Variants in B3GAT1 observed in about 807,000 individuals in gnomAD.
The protein encoded by B3GAT1 is beta-1,3-glucuronyltransferase 1.
A neutral mutation model predicts 28.4 loss-of-function variants in B3GAT1; 11 were observed. That is an observed-to-expected ratio of 0.39 (90% CI 0.24 to 0.64). The LOEUF is 0.64. B3GAT1 is among the 30% of genes least tolerant of loss of function. The probability of loss-of-function intolerance (pLI) is 0.50; values close to 1 mark genes in which losing one functional copy is unlikely to be tolerated. For missense variants in B3GAT1, 375 were observed against 491.0 expected (o/e 0.76, Z 2.23); for synonymous variants, 255 against 223.1 (o/e 1.14, Z -1.27).
At position 134,400,174 on chromosome 11, in the gene B3GAT1, C is replaced by T. The variant is rs549849527; in HGVS notation, c.-282+11633G>A. Among the ~76,000 whole-genome samples the T allele has an allele frequency of 1.4e-3, 214 of 152,254 alleles. 1 individual carries two copies. The Middle Eastern group carries it at 0.017, about 12-fold the overall frequency. ...GCCTTCCCTGGCCCTGCCCCTGCCC[C>T]GATCTGCTCACTCAAGGTGCACACA... On this transcript the variant is annotated intron_variant, in intron 1 of 5. Transcript: ENST00000312527.
chr11:134,398,180 T>C (rs968800405), intron 1 of B3GAT1, among the ~76,000 whole-genome samples: 3 of 152,204 alleles, frequency 2.0e-5, no homozygotes, highest in Non-Finnish European at 2.9e-5. Flanking sequence ...CGTGTGTGCA[T>C]GTGTGATCAT....
chr11:134,384,305 G>A, intron 2 of B3GAT1, 117 bp from the exon 3 acceptor site: 2 of 1,331,448 alleles, frequency 1.5e-6, no homozygotes, highest in Non-Finnish European at 2.0e-6. Flanking sequence ...TGCAGGGGCT[G>A]CTCAGACCCC....
Position 134,383,015 on chromosome 11 carries a change from G to T in B3GAT1, c.622-9C>A, listed in dbSNP as rs535028435. On this transcript the variant is annotated splice_polypyrimidine_tract_variant and intron_variant, in intron 3 of 5. Coordinates refer to ENST00000312527, the MANE Select transcript of B3GAT1 (RefSeq NM_054025.3). ...CTCCTGGTGCTGCGCATCTACAAGGGGGGGGTCCAGAGTCAGGGCGCCGGC... is the reference window on the plus strand; with the variant it reads ...CTCCTGGTGCTGCGCATCTACAAGGTGGGGGTCCAGAGTCAGGGCGCCGGC... 1.5e-4 allele frequency: 232 copies of T among 1,540,092 alleles called. No individual in the cohort carries two copies. The highest frequency in any genetic ancestry group is 7.9e-4 in the Middle Eastern group (4 of 5,066).
At chr11:134,410,413 T>C (rs535104127) in intron 1 of B3GAT1, among the ~76,000 whole-genome samples, 12 of 152,296 alleles carry the variant, frequency 7.9e-5, no homozygotes, top group African/African-American at 2.9e-4. Context: ...CCATTAACCT[T>C]AGCAAGTATT....
chr11:134,392,962 A>G (rs909176324), intron 1 of B3GAT1, among the ~76,000 whole-genome samples: 2 of 152,212 alleles, frequency 1.3e-5, no homozygotes, highest in African/African-American at 4.8e-5. Flanking sequence ...CAGGCAAAGC[A>G]CTGTGTTGGA....
At position 134,382,929 on chromosome 11, in the gene B3GAT1, G is replaced by A. The variant is rs762279455; in HGVS notation, c.699C>T (p.Asn233=). ...GGLRYEAPRV[N]GAGKVVGWKT... The stretch of plus-strand genomic sequence containing the variant: ...TCCAGCCGACCACCTTCCCTGCCCC[G>A]TTCACCCGTGGGGCCTCGTACCGCA... The change falls in exon 4 of 6, where the codon AAC becomes AAT. Residue 233 remains asparagine (N), a synonymous_variant. Coordinates refer to ENST00000312527, the MANE Select transcript of B3GAT1 (RefSeq NM_054025.3). The A allele has an allele frequency of 3.8e-5, 62 of 1,610,876 alleles. No homozygotes were observed. In the Admixed American group the frequency reaches 7.1e-4, roughly 18 times the overall value.
Position 134,412,086 on chromosome 11 carries a change from C to CGGGGGGCGGGGAG in B3GAT1, c.-562_-561insCTCCCCGCCCCCC, listed in dbSNP as rs1944871329. Among the ~76,000 whole-genome samples the CGGGGGGCGGGGAG allele has an allele frequency of 4.9e-5, 1 of 20,264 alleles. No homozygotes were observed. The highest frequency in any genetic ancestry group is 1.0e-4 in the Non-Finnish European group (1 of 9,956). 13.3% of individuals were successfully genotyped at this position (20,264 alleles called of 152,430 possible). On this transcript the variant is annotated 5_prime_UTR_variant, in exon 1 of 6. Coordinates refer to ENST00000312527, the MANE Select transcript of B3GAT1 (RefSeq NM_054025.3). ...GGGAGGGAGGGCGCGGGCAGGGAGG[C>CGGGGGGCGGGGAG]GGGGGGCGGGGGGCGGGGAGGGGGA...
chr11:134,380,959 G>T (rs753701524), intron 5 of B3GAT1, among the ~76,000 whole-genome samples: 1 of 152,182 alleles, frequency 6.6e-6, no homozygotes, highest in Non-Finnish European at 1.5e-5. Flanking sequence ...TCTAAGTGGC[G>T]CTGGCCAAGG....
intron 1 of B3GAT1, among the ~76,000 whole-genome samples, chr11:134,397,591 C>G (rs1007585054): frequency 7.0e-6 from 1 of 142,516 alleles, no homozygotes; most frequent in Non-Finnish European, 1.5e-5. Context: ...CCCATTCCCA[C>G]CCAGAGGGCA....
rs1944875204 is a variant in B3GAT1, at chr11:134,412,160, G to A, written c.-635C>T. Among the ~76,000 whole-genome samples, 1 of 144,268 alleles carries A rather than the reference G, an allele frequency of 6.9e-6. No homozygotes were observed. Among genetic ancestry groups the A allele is most frequent in the South Asian group, 2.1e-4 (1 of 4,742 alleles). The allele number at this position is 144,268 out of a possible 152,430, so 94.6% of individuals were successfully genotyped here. ...GGCGCGGGGGCGAGAGGGGCGAGGGGGGCGCGCGGCCGGAGCCGAGCCGAC... is the reference window on the plus strand; with the variant it reads ...GGCGCGGGGGCGAGAGGGGCGAGGGAGGCGCGCGGCCGGAGCCGAGCCGAC... On this transcript the variant is annotated 5_prime_UTR_variant, in exon 1 of 6. Coordinates refer to ENST00000312527, the MANE Select transcript of B3GAT1 (RefSeq NM_054025.3).
intron 1 of B3GAT1, among the ~76,000 whole-genome samples, chr11:134,398,467 G>A (rs922500643): frequency 2.0e-5 from 3 of 152,202 alleles, no homozygotes; most frequent in South Asian, 2.1e-4. Context: ...CAGCTCACAC[G>A]CAGTACTGAT....
chr11:134,380,776 G>A (rs1306712457), intron 5 of B3GAT1, 29 bp from the exon 6 acceptor site: 2 of 152,538 alleles, frequency 1.3e-5, no homozygotes, highest in East Asian at 3.9e-4. Flanking sequence ...AATGAGTGAG[G>A]TGTCGGCTGA....
Position 134,388,039 on chromosome 11 carries a change from C to A in B3GAT1, c.-281-99G>T, listed in dbSNP as rs879019527. 2.1e-4 allele frequency: 91 copies of A among 442,538 alleles called. 2 individuals are homozygous for A. The highest frequency in any genetic ancestry group is 1.5e-3 in the South Asian group (87 of 56,760). 27.4% of individuals were successfully genotyped at this position (442,538 alleles called of 1,614,324 possible). The stretch of plus-strand genomic sequence containing the variant: ...TCTGGGACACACAGCATCGGGGGTT[C>A]CACAATGGAGCCTCAACTGTCCATC... On this transcript the variant is annotated intron_variant, in intron 1 of 5. Transcript: ENST00000312527.
At chr11:134,382,101 C>G (rs955301237) in intron 4 of B3GAT1, 77 bp from the exon 5 acceptor site, 1 of 1,202,454 alleles carries the variant, frequency 8.3e-7, no homozygotes, top group Non-Finnish European at 1.2e-6. Context: ...CCCTCCCACA[C>G]TGTGTAAACA....
At position 134,411,713 on chromosome 11, in the gene B3GAT1, C is replaced by G. The variant is rs1201910406; in HGVS notation, c.-282+94G>C. The G allele has an allele frequency of 6.5e-6, 1 of 152,844 alleles. No homozygotes were observed. The highest frequency in any genetic ancestry group is 2.4e-5 in the African/African-American group (1 of 41,284). The allele number at this position is 152,844 out of a possible 1,614,324, so 9.5% of individuals were successfully genotyped here. A position where few individuals can be genotyped will look rare whatever the true frequency, so the allele number is the denominator to read the frequency against. ...ACACACACACACACACACCCCAGCG[C>G]GCGCCCGGGAGGACATGGCGTGGGC... On this transcript the variant is annotated intron_variant, in intron 1 of 5. Coordinates refer to ENST00000312527, the MANE Select transcript of B3GAT1 (RefSeq NM_054025.3). The surrounding 1 kb of genome is among the most constrained non-coding windows in gnomAD (Gnocchi z 6.0).
chr11:134,383,529 C>T lies in B3GAT1; in HGVS notation c.621+151G>A, dbSNP rs1032355321. ...GATGCTTTAGCCCGCAGTTCCATCC[C>T]TTTCCCTGGCTCTCTGCTGCCTGCC... On this transcript the variant is annotated intron_variant, in intron 3 of 5. Transcript: ENST00000312527. The T allele has an allele frequency of 1.1e-5, 12 of 1,101,970 alleles. No individual in the cohort carries two copies. In the East Asian group the frequency reaches 3.2e-4, roughly 29 times the overall value. 68.3% of individuals were successfully genotyped at this position (1,101,970 alleles called of 1,614,324 possible). A position where few individuals can be genotyped will look rare whatever the true frequency, so the allele number is the denominator to read the frequency against.
intron 1 of B3GAT1, among the ~76,000 whole-genome samples, chr11:134,404,001 AT>A (rs1565459276): frequency 1.2e-5 from 1 of 85,464 alleles, no homozygotes; most frequent in Non-Finnish European, 2.5e-5. Context: ...ATATATATAT[AT>A]ATATATATAT....
rs538023651 is a variant in B3GAT1, at chr11:134,404,085, AT to A, written c.-282+7721del. ...TGCACAATGTGCAGGTTTGTTACAT[AT>A]GTATACATGTGCCATGTTGGTGTGC... On this transcript the variant is annotated intron_variant, in intron 1 of 5. Transcript: ENST00000312527. Among the ~76,000 whole-genome samples the A allele has an allele frequency of 1.0e-3, 153 of 146,964 alleles. 1 individual carries two copies. Among genetic ancestry groups the A allele is most frequent in the African/African-American group, 3.7e-3 (144 of 39,452 alleles).
intron 1 of B3GAT1, among the ~76,000 whole-genome samples, chr11:134,401,300 T>C (rs1207434234): frequency 6.6e-6 from 1 of 152,232 alleles, no homozygotes; most frequent in Admixed American, 6.5e-5. Context: ...CGCAGCACTA[T>C]TCATAACAGG....
Sources: gnomAD v4.1 joint callset for allele counts (sites outside exome capture counted in the v4.1 genomes callset) on GRCh38, gnomAD v4.1.1 for gene constraint, Gnocchi (gnomAD v3.1) non-coding constraint, MANE v1.5 for transcripts, NCBI Gene and HGNC (gene_info 2026-07-23, HGNC 2026-07-21) for gene names.